NRXN3: variants seen among roughly 807,000 people sequenced by gnomAD.
NRXN3 encodes neurexin III.
In NRXN3, 32 loss-of-function variants were observed where a neutral mutation model predicts 137.6. The observed-to-expected ratio is 0.23, with a 90% CI of 0.18 to 0.31. The LOEUF (loss-of-function observed/expected upper bound fraction) is 0.31, where lower values mean the gene tolerates loss of function less well. NRXN3 is among the 10% of genes least tolerant of loss of function. The pLI is 1.00. For missense variants in NRXN3, 1,574 were observed against 2,062.5 expected, an observed-to-expected ratio of 0.76 and a Z score of 4.59; for synonymous variants, 798 against 784.5, an observed-to-expected ratio of 1.02 and a Z score of -0.29.
At chr14:78,649,843 A>G (rs1464518508) in intron 5 of NRXN3, among the ~76,000 whole-genome samples, 3 of 151,404 alleles carry the variant, frequency 2.0e-5, no homozygotes, top group Non-Finnish European at 4.4e-5. Flanking sequence ...CCCTTCTTTT[A>G]CTTTACTCCC....
intron 4 of NRXN3, among the ~76,000 whole-genome samples, chr14:78,571,707 A>G (rs746127558): frequency 6.6e-6 from 1 of 152,176 alleles, no homozygotes; most frequent in African/African-American, 2.4e-5. Context: ...ACACACACAC[A>G]TTCACGCAAC....
At chr14:79,738,610 G>C (rs1163572739) in intron 19 of NRXN3, among the ~76,000 whole-genome samples, 1 of 152,170 alleles carries the variant, frequency 6.6e-6, no homozygotes, top group Non-Finnish European at 1.5e-5. Flanking sequence ...CCAGGCTGGA[G>C]TGCAGTGGTG....
intron 4 of NRXN3, among the ~76,000 whole-genome samples, chr14:78,492,758 G>A (rs542420470): frequency 6.6e-6 from 1 of 152,310 alleles, no homozygotes; most frequent in African/African-American, 2.4e-5. Context: ...CTGACGTGGT[G>A]TTAGTCTGTC....
At chr14:79,196,278 A>G (rs1394605363) in intron 15 of NRXN3, among the ~76,000 whole-genome samples, 1 of 152,174 alleles carries the variant, frequency 6.6e-6, no homozygotes, top group Admixed American at 6.5e-5. Context: ...AGACTGGGTA[A>G]CTCAAAATGA....
At chr14:78,917,764 A>G (rs2099259445) in intron 10 of NRXN3, among the ~76,000 whole-genome samples, 1 of 152,030 alleles carries the variant, frequency 6.6e-6, no homozygotes, top group South Asian at 2.1e-4. Flanking sequence ...GTATATGAGG[A>G]AGGCTCATCC....
At chr14:78,353,476 C>G (rs1191139635) in intron 4 of NRXN3, among the ~76,000 whole-genome samples, 2 of 152,124 alleles carry the variant, frequency 1.3e-5, no homozygotes, top group Non-Finnish European at 2.9e-5. Context: ...TCTCCGGGGA[C>G]TGTTTTATAA....
At chr14:79,774,453 T>C (rs998121444) in intron 19 of NRXN3, among the ~76,000 whole-genome samples, 1 of 152,182 alleles carries the variant, frequency 6.6e-6, no homozygotes, top group Non-Finnish European at 1.5e-5. Flanking sequence ...GCTTTGTGTT[T>C]TCATGCATTG....
intron 19 of NRXN3, among the ~76,000 whole-genome samples, chr14:79,772,059 C>A (rs2099080395): frequency 7.1e-6 from 1 of 140,770 alleles, no homozygotes; most frequent in Non-Finnish European, 1.5e-5. Flanking sequence ...CCTAGGAATC[C>A]ACCTTACAAG....
chr14:78,831,166 C>G (rs2098980532), intron 10 of NRXN3, among the ~76,000 whole-genome samples: 1 of 152,116 alleles, frequency 6.6e-6, no homozygotes, highest in South Asian at 2.1e-4. Context: ...GTAACTTACT[C>G]TTGTAGCCTA....
intron 4 of NRXN3, among the ~76,000 whole-genome samples, chr14:78,522,927 A>G (rs1028281977): frequency 6.6e-6 from 1 of 152,204 alleles, no homozygotes; most frequent in South Asian, 2.1e-4. Context: ...AAGACCCTGA[A>G]TCCAGCCACA....
intron 17 of NRXN3, among the ~76,000 whole-genome samples, chr14:79,676,718 A>G (rs1485579768): frequency 6.6e-6 from 1 of 151,956 alleles, no homozygotes; most frequent in South Asian, 2.1e-4. Flanking sequence ...ATATGTATAT[A>G]TACCTTAAAT....
At chr14:78,534,954 C>T (rs554520091) in intron 4 of NRXN3, among the ~76,000 whole-genome samples, 6 of 152,118 alleles carry the variant, frequency 3.9e-5, no homozygotes, top group South Asian at 2.1e-4. Flanking sequence ...TTTCCCCTTC[C>T]GCATATGTGT....
chr14:78,910,193 C>T (rs1414202660), intron 10 of NRXN3, among the ~76,000 whole-genome samples: 1 of 151,982 alleles, frequency 6.6e-6, no homozygotes, highest in East Asian at 1.9e-4. Flanking sequence ...CTTTTACTTC[C>T]ATTGTAGATA....
At chr14:79,555,481 C>T (rs775288277) in intron 16 of NRXN3, among the ~76,000 whole-genome samples, 1 of 152,084 alleles carries the variant, frequency 6.6e-6, no homozygotes, top group Non-Finnish European at 1.5e-5. Flanking sequence ...TGTTTGCCCT[C>T]AAGACCTCAG....
intron 10 of NRXN3, among the ~76,000 whole-genome samples, chr14:78,912,340 A>T (rs1400662409): frequency 6.6e-6 from 1 of 151,226 alleles, no homozygotes; most frequent in Non-Finnish European, 1.5e-5. Flanking sequence ...CTGGTGGCTA[A>T]CAAAAGAATA....
intron 8 of NRXN3, among the ~76,000 whole-genome samples, chr14:78,754,752 G>T (rs561897266): frequency 6.6e-6 from 1 of 152,108 alleles, no homozygotes; most frequent in African/African-American, 2.4e-5. Context: ...GGAGGTGGGT[G>T]GGGCCCAGCA....
intron 4 of NRXN3, among the ~76,000 whole-genome samples, chr14:78,317,490 C>T (rs1214930230): frequency 1.3e-5 from 2 of 152,180 alleles, no homozygotes; most frequent in African/African-American, 4.8e-5. Flanking sequence ...TGAGGTGGAA[C>T]AGTTTCATCC....
chr14:79,529,203 G>T (rs996480084), intron 16 of NRXN3, among the ~76,000 whole-genome samples: 1 of 152,198 alleles, frequency 6.6e-6, no homozygotes, highest in East Asian at 1.9e-4. Context: ...TCACGTGAAA[G>T]GGTGGTGATT....
intron 4 of NRXN3, among the ~76,000 whole-genome samples, chr14:78,629,724 A>G (rs191511531): frequency 1.3e-5 from 2 of 152,356 alleles, no homozygotes; most frequent in Admixed American, 6.5e-5. Flanking sequence ...GATAATTGAT[A>G]ATGAGCTAGA....
Sources: allele counts gnomAD v4.1 joint callset (sites outside exome capture counted in the v4.1 genomes callset), GRCh38; gene constraint gnomAD v4.1.1; transcripts MANE v1.5; gene names NCBI Gene and HGNC (gene_info 2026-07-23, HGNC 2026-07-21).